The following CFAP77 variants were observed in gnomAD, a reference collection of about 807,000 sequenced individuals.
CFAP77 encodes cilia and flagella associated protein 77.
CFAP77 carries 25 observed loss-of-function variants against 31.1 expected under a neutral mutation model. The observed-to-expected ratio is 0.80, with a 90% CI of 0.59 to 1.12. The LOEUF is 1.12. Among genes scored for constraint, CFAP77 ranks in the 50% most tolerant of loss-of-function variants. The probability of loss-of-function intolerance (pLI) is 0.00; values close to 1 mark genes in which losing one functional copy is unlikely to be tolerated. For missense variants in CFAP77, 377 were observed against 397.3 expected (o/e 0.95, Z 0.44); for synonymous variants, 151 against 159.9 (o/e 0.94, Z 0.42).
rs1215830531 is a variant in CFAP77, at chr9:132,455,804, C to A, written c.196-42891C>A. ...TCAGCTCCCAACAGGATGCAATTGT[C>A]AAGGAAAGGCTGTAACTCTTAACTG... is the stretch of plus-strand genomic sequence containing the variant. On this transcript the variant is annotated intron_variant, in intron 1 of 5. Transcript: ENST00000393216. This position sits in a 1 kb window ranked among gnomAD's most constrained non-coding sequence, Gnocchi z 4.1. 6.6e-6 allele frequency among the ~76,000 whole-genome samples: 1 copy of A among 152,116 alleles called. No individual in the cohort carries two copies. Among genetic ancestry groups the A allele is most frequent in the Admixed American group, 6.6e-5 (1 of 15,262 alleles).
In CFAP77 at chr9:132,549,838, G is replaced by GAAAA. The variant is rs553195375; in HGVS notation, c.732+6794_732+6797dup. On this transcript the variant is annotated intron_variant, in intron 5 of 5. Transcript: ENST00000393216. Reference sequence around the variant, plus strand: ...TGGGTGACAGAGCAAGACTCTGTCTGAAAAAACAAACAAACAAACAAAGCA... The same window carrying GAAAA: ...TGGGTGACAGAGCAAGACTCTGTCTGAAAAAAAAAACAAACAAACAAACAAAGCA... Among the ~76,000 whole-genome samples the GAAAA allele has an allele frequency of 3.5e-5, 3 of 85,834 alleles. No homozygotes were observed. In the East Asian group the frequency reaches 1.9e-3, roughly 55 times the overall value. 56.3% of individuals were successfully genotyped at this position (85,834 alleles called of 152,430 possible).
chr9:132,429,805 C>T (rs1241182274), intron 1 of CFAP77, among the ~76,000 whole-genome samples: 1 of 151,856 alleles, frequency 6.6e-6, no homozygotes, highest in Non-Finnish European at 1.5e-5. Flanking sequence ...GAGCTGAGAT[C>T]GCGTCACTGC....
At chr9:132,443,257 GT>G (rs547420950) in intron 1 of CFAP77, among the ~76,000 whole-genome samples, 58 of 138,652 alleles carry the variant, frequency 4.2e-4, no homozygotes, top group Non-Finnish European at 5.5e-4. Flanking sequence ...TTTTATTTTT[GT>G]TTTTTTTTTT....
chr9:132,499,227 G>A lies in CFAP77; in HGVS notation c.296-145G>A, dbSNP rs1851796832. ...GCCGTTTTGGGCCATCATGCTTTCT[G>A]GGGGCCAGGCAGGGTTGTCACCCAG... is the stretch of plus-strand genomic sequence containing the variant. On this transcript the variant is annotated intron_variant, in intron 2 of 5. Transcript: ENST00000393216. The surrounding 1 kb of genome is among the most constrained non-coding windows in gnomAD (Gnocchi z 5.4). 1 of 694,730 alleles carries A rather than the reference G, an allele frequency of 1.4e-6. No homozygotes were observed. The highest frequency in any genetic ancestry group is 2.4e-6 in the Non-Finnish European group (1 of 419,606). The allele number at this position is 694,730 out of a possible 1,614,324, so 43.0% of individuals were successfully genotyped here. A position where few individuals can be genotyped will look rare whatever the true frequency, so the allele number is the denominator to read the frequency against.
At chr9:132,431,296 A>G (rs56280889) in intron 1 of CFAP77, among the ~76,000 whole-genome samples, 16,342 of 152,298 alleles carry the variant, frequency 0.11, 1,223 homozygotes, top group East Asian at 0.3. Context: ...AAAATGTTTT[A>G]AAAGAACATA....
chr9:132,501,510 C>T lies in CFAP77; in HGVS notation c.524+1910C>T, dbSNP rs751999257. Among the ~76,000 whole-genome samples, 1 of 151,610 alleles carries T rather than the reference C, an allele frequency of 6.6e-6. No homozygotes were observed. The highest frequency in any genetic ancestry group is 2.4e-5 in the African/African-American group (1 of 41,196). On this transcript the variant is annotated intron_variant, in intron 3 of 5. Coordinates refer to ENST00000393216, the MANE Select transcript of CFAP77 (RefSeq NM_001282957.2). This position sits in a 1 kb window ranked among gnomAD's most constrained non-coding sequence, Gnocchi z 4.6. Reference sequence around the variant, plus strand: ...GTCTCCCTTCCAGGTTCCAGTGATTCTCCTGCCTCAGCCTCCCGAGTAGCT... The same window carrying T: ...GTCTCCCTTCCAGGTTCCAGTGATTTTCCTGCCTCAGCCTCCCGAGTAGCT...
chr9:132,522,715 G>A (rs1852289494), intron 3 of CFAP77, among the ~76,000 whole-genome samples: 2 of 152,234 alleles, frequency 1.3e-5, no homozygotes, highest in African/African-American at 2.4e-5. Context: ...AGTGCATGGT[G>A]GGGTAGGGCT....
intron 1 of CFAP77, among the ~76,000 whole-genome samples, chr9:132,448,688 G>A (rs1850769010): frequency 1.3e-5 from 2 of 152,194 alleles, no homozygotes; most frequent in African/African-American, 2.4e-5. Flanking sequence ...CCAGGTTCAA[G>A]CGATTCTCCT....
Position 132,572,454 on chromosome 9 carries a change from G to C in CFAP77, c.799G>C (p.Glu267Gln). Reference protein sequence around the residue: ...DRQRALKAHREECAVRQGTLR... With the variant: ...DRQRALKAHRQECAVRQGTLR... ...CCAGAGAGCATTAAAAGCCCACCGG[G>C]AAGAGTGTGCCGTGCGCCAGGGGAC... Residue 267 changes from glutamate (E) to glutamine (Q), a missense_variant, in exon 6 of 6, where the codon GAA becomes CAA. Glu to Gln is a conservative substitution (Grantham distance 29). Transcript: ENST00000393216. 1 of 1,612,082 alleles carries C rather than the reference G, an allele frequency of 6.2e-7. No homozygotes were observed. The highest frequency in any genetic ancestry group is 1.7e-5 in the Admixed American group (1 of 60,022).
intron 1 of CFAP77, chr9:132,482,285 A>C: frequency 6.4e-7 from 1 of 1,559,126 alleles, no homozygotes. Context: ...CAAATGATCA[A>C]GTGGACTCTG....
chr9:132,419,990 G>A (rs1850182696), intron 1 of CFAP77, among the ~76,000 whole-genome samples: 2 of 151,604 alleles, frequency 1.3e-5, no homozygotes, highest in Non-Finnish European at 2.9e-5. Flanking sequence ...ATGGGACCTG[G>A]CATCCACAAA....
chr9:132,537,565 G>A lies in CFAP77; in HGVS notation c.525-36G>A, dbSNP rs764315392. On this transcript the variant is annotated intron_variant, in intron 3 of 5. Transcript: ENST00000393216. ...GGGAGCGGGTGCCTCTGGTCTTTCC[G>A]GGGCCTCAAGCTCTGTCTGGACTTC... The A allele has an allele frequency of 6.5e-6, 10 of 1,539,330 alleles. No individual in the cohort carries two copies. The East Asian group carries it at 9.1e-5, about 14-fold the overall frequency.
chr9:132,453,675 G>A (rs573812231), intron 1 of CFAP77, among the ~76,000 whole-genome samples: 2 of 152,342 alleles, frequency 1.3e-5, no homozygotes, highest in South Asian at 4.1e-4. Context: ...TGTGGGGGCT[G>A]GAGCCAGGGG....
chr9:132,542,864 C>T, intron 4 of CFAP77, 82 bp from the exon 5 acceptor site: 2 of 1,105,400 alleles, frequency 1.8e-6, no homozygotes, highest in Non-Finnish European at 2.8e-6. Flanking sequence ...GAATCCCAGC[C>T]CTCTGTCTCT....
chr9:132,537,489 G>C, intron 3 of CFAP77, 112 bp from the exon 4 acceptor site: 1 of 705,936 alleles, frequency 1.4e-6, no homozygotes, highest in Non-Finnish European at 2.5e-6. Flanking sequence ...AGGTGGGAGT[G>C]ATGTACCCCA....
Position 132,565,782 on chromosome 9 carries a change from C to G in CFAP77, c.733-6606C>G, listed in dbSNP as rs949629065. Among the ~76,000 whole-genome samples the G allele has an allele frequency of 2.0e-5, 3 of 152,200 alleles. No homozygotes were observed. Among genetic ancestry groups the G allele is most frequent in the Non-Finnish European group, 4.4e-5 (3 of 68,036 alleles). On this transcript the variant is annotated intron_variant, in intron 5 of 5. Coordinates refer to ENST00000393216, the MANE Select transcript of CFAP77 (RefSeq NM_001282957.2). This position sits in a 1 kb window ranked among gnomAD's most constrained non-coding sequence, Gnocchi z 4.1. ...TTCCAGGGCACTGCATGGCAGCGCT[C>G]TGTCCTTATTTCTGCGATGCCATTT...
At chr9:132,541,718 C>CA (rs1052383685) in intron 4 of CFAP77, among the ~76,000 whole-genome samples, 5 of 152,002 alleles carry the variant, frequency 3.3e-5, no homozygotes, top group Admixed American at 6.6e-5. Context: ...ACAACAACAA[C>CA]AAAAAACACA....
intron 5 of CFAP77, 37 bp downstream of exon 5, chr9:132,543,084 T>G: frequency 6.4e-7 from 1 of 1,565,506 alleles, no homozygotes; most frequent in Non-Finnish European, 8.8e-7. Flanking sequence ...TCCCTGCACC[T>G]TGCTGGCTGC....
In CFAP77 at chr9:132,498,607, G is replaced by A. The variant is rs747372163; in HGVS notation, c.196-88G>A. On this transcript the variant is annotated intron_variant, in intron 1 of 5. Coordinates refer to ENST00000393216, the MANE Select transcript of CFAP77 (RefSeq NM_001282957.2). This position sits in a 1 kb window ranked among gnomAD's most constrained non-coding sequence, Gnocchi z 4.2. The stretch of plus-strand genomic sequence containing the variant: ...ACGGCAGGGCCTGGGGGAAATGCAG[G>A]CATCTGGTGCCTCCCTGCTGCCGGA... 3.0e-6 allele frequency: 3 copies of A among 987,970 alleles called. No individual in the cohort carries two copies. The highest frequency in any genetic ancestry group is 1.5e-5 in the South Asian group (1 of 67,824). The allele number at this position is 987,970 out of a possible 1,614,324, so 61.2% of individuals were successfully genotyped here. A position where few individuals can be genotyped will look rare whatever the true frequency, so the allele number is the denominator to read the frequency against.
Sources: allele counts gnomAD v4.1 joint callset (sites outside exome capture counted in the v4.1 genomes callset), GRCh38; gene constraint gnomAD v4.1.1; non-coding constraint Gnocchi (gnomAD v3.1); transcripts MANE v1.5; gene names NCBI Gene and HGNC (gene_info 2026-07-23, HGNC 2026-07-21).